Variants in KCNG3 observed in about 807,000 individuals in gnomAD.
KCNG3 encodes potassium voltage-gated channel modifier subfamily G member 3.
Under a neutral mutation model 29.0 loss-of-function variants are expected in KCNG3, and 15 were observed. The ratio of observed to expected loss-of-function variants is 0.52; its 90% CI spans 0.35 to 0.80. The LOEUF (loss-of-function observed/expected upper bound fraction) is 0.80. Among genes scored for constraint, KCNG3 ranks in the 30% least tolerant of loss-of-function variants. KCNG3 has a pLI of 0.01. For missense variants in KCNG3, 512 were observed against 605.7 expected, an observed-to-expected ratio of 0.85 and a Z score of 1.62; for synonymous variants, 322 against 248.9, an observed-to-expected ratio of 1.29 and a Z score of -2.76.
At chr2:42,457,481 GACTTTGTTTCAAAAAAAAAGAGAGAAGTA>G (rs1672903434) in intron 1 of KCNG3, among the ~76,000 whole-genome samples, 1 of 151,664 alleles carries the variant, frequency 6.6e-6, no homozygotes, top group African/African-American at 2.4e-5. Flanking sequence ...GCGACAGAGA[GACTTTGTTTCAAAAAAAAAGAGAGAAGTA>G]ACTAGATCAT....
chr2:42,464,924 AACACT>A (rs1396818940), intron 1 of KCNG3, among the ~76,000 whole-genome samples: 2 of 152,028 alleles, frequency 1.3e-5, no homozygotes, highest in East Asian at 3.9e-4. Flanking sequence ...ACAAACAAAA[AACACT>A]ATATTGCCTA....
chr2:42,414,216 T>C, the KCNG3 span, among the ~76,000 whole-genome samples: 1,610 of 152,360 alleles, frequency 0.011, 34 homozygotes, highest in African/African-American at 0.035. Context: ...ATTTTTCTTC[T>C]AGCCAAAGCA....
chr2:42,491,257 C>T (rs1269855354), intron 1 of KCNG3, among the ~76,000 whole-genome samples: 1 of 152,100 alleles, frequency 6.6e-6, no homozygotes, highest in African/African-American at 2.4e-5. Flanking sequence ...AAATGCTTTA[C>T]ATTAATGATC....
the KCNG3 span, chr2:42,424,978 A>G: frequency 1.3e-5 from 2 of 152,144 alleles, no homozygotes; most frequent in Non-Finnish European, 2.9e-5. Flanking sequence ...TTTCACAGTT[A>G]AGTCCATCGA....
the KCNG3 span, among the ~76,000 whole-genome samples, chr2:42,427,346 G>C: frequency 6.6e-6 from 1 of 152,224 alleles, no homozygotes; most frequent in Non-Finnish European, 1.5e-5. Flanking sequence ...GCTCATGCCT[G>C]TAATCCCAGC....
intron 1 of KCNG3, among the ~76,000 whole-genome samples, chr2:42,447,581 T>C (rs34904438): frequency 0.35 from 53,176 of 151,910 alleles, 9,902 homozygotes; most frequent in Middle Eastern, 0.52. Context: ...AGTGGCACCA[T>C]CACAGCTCAC....
intron 1 of KCNG3, among the ~76,000 whole-genome samples, chr2:42,446,419 T>C (rs1311155902): frequency 6.6e-6 from 1 of 152,130 alleles, no homozygotes; most frequent in South Asian, 2.1e-4. Context: ...CCTCAAGTGA[T>C]CCGCCCACCT....
chr2:42,491,725 G>A (rs1673880923), intron 1 of KCNG3, among the ~76,000 whole-genome samples: 1 of 152,158 alleles, frequency 6.6e-6, no homozygotes, highest in Non-Finnish European at 1.5e-5. Flanking sequence ...TTACTTCTTA[G>A]ATTTATATAA....
intron 1 of KCNG3, among the ~76,000 whole-genome samples, chr2:42,478,341 T>C: frequency 6.6e-6 from 1 of 152,146 alleles, no homozygotes. Context: ...GCTCAAGCAA[T>C]TCTCCCACTT....
chr2:42,456,309 T>G (rs895321726), intron 1 of KCNG3, among the ~76,000 whole-genome samples: 2 of 151,898 alleles, frequency 1.3e-5, no homozygotes, highest in African/African-American at 4.8e-5. Flanking sequence ...ATTACTTGAG[T>G]CATCTTCTTA....
At chr2:42,389,839 T>C in the KCNG3 span, among the ~76,000 whole-genome samples, 1 of 152,234 alleles carries the variant, frequency 6.6e-6, no homozygotes, top group Non-Finnish European at 1.5e-5. Context: ...TTTTAAATCT[T>C]ATTTGTTATC....
the KCNG3 span, among the ~76,000 whole-genome samples, chr2:42,401,889 A>C: frequency 6.6e-6 from 1 of 152,186 alleles, no homozygotes; most frequent in African/African-American, 2.4e-5. Flanking sequence ...GTCTCAAAAA[A>C]CAAAAACAAA....
chr2:42,456,786 C>T (rs112100859), intron 1 of KCNG3, among the ~76,000 whole-genome samples: 4,056 of 152,256 alleles, frequency 0.027, 91 homozygotes, highest in Non-Finnish European at 0.044. Context: ...TTTCCAATCA[C>T]ATTTCTAACA....
chr2:42,475,439 G>A (rs1346451304), intron 1 of KCNG3, among the ~76,000 whole-genome samples: 1 of 149,056 alleles, frequency 6.7e-6, no homozygotes, highest in East Asian at 2.0e-4. Context: ...AGTGATTCTC[G>A]TGCCTCAGCC....
At chr2:42,404,549 C>T in the KCNG3 span, among the ~76,000 whole-genome samples, 12 of 151,936 alleles carry the variant, frequency 7.9e-5, no homozygotes, top group Non-Finnish European at 1.3e-4. Context: ...GGCAACATGG[C>T]GAAACCCCAT....
At chr2:42,406,305 T>A in the KCNG3 span, among the ~76,000 whole-genome samples, 1 of 151,726 alleles carries the variant, frequency 6.6e-6, no homozygotes, top group Admixed American at 6.6e-5. Context: ...CTGCAACCTC[T>A]GCCTCCTGGG....
At chr2:42,445,880 C>G (rs530567286) in intron 1 of KCNG3, among the ~76,000 whole-genome samples, 1 of 151,866 alleles carries the variant, frequency 6.6e-6, no homozygotes, top group East Asian at 2.0e-4. Context: ...GCGTCTGCCA[C>G]CATGCGTGAC....
intron 1 of KCNG3, among the ~76,000 whole-genome samples, chr2:42,469,385 C>T (rs1386195517): frequency 2.1e-5 from 3 of 143,272 alleles, no homozygotes; most frequent in Non-Finnish European, 3.0e-5. Context: ...CCATTGCACA[C>T]GAGCCCGGGT....
chr2:42,441,803 T>TATATAAAATATATATAC (rs1412944425), downstream of KCNG3, among the ~76,000 whole-genome samples: 3 of 150,810 alleles, frequency 2.0e-5, no homozygotes, highest in Admixed American at 6.6e-5. Context: ...GGTGTGTGTG[T>TATATAAAATATATATAC]ATATATATAC....
Sources: allele counts gnomAD v4.1 joint callset (sites outside exome capture counted in the v4.1 genomes callset), GRCh38; gene constraint gnomAD v4.1.1; transcripts MANE v1.5; gene names NCBI Gene and HGNC (gene_info 2026-07-23, HGNC 2026-07-21).